GLIS3: variants seen among roughly 807,000 people sequenced by gnomAD.
GLIS3 encodes the protein zinc finger protein GLIS3.
A neutral mutation model predicts 78.6 loss-of-function variants in GLIS3; 53 were observed. The observed-to-expected ratio is 0.67, with a 90% CI of 0.54 to 0.85. The LOEUF is 0.85. Ranked by LOEUF, GLIS3 falls within the 40% of genes least tolerant of loss-of-function variation. GLIS3 has a pLI of 0.00. For synonymous variants in GLIS3, 684 were observed against 509.9 expected, an observed-to-expected ratio of 1.34 and a Z score of -4.60; for missense variants, 1,703 against 1,231.1, an observed-to-expected ratio of 1.38 and a Z score of -5.74.
chr9:4,253,761 T>A (rs906862111), intron 2 of GLIS3, among the ~76,000 whole-genome samples: 7 of 152,204 alleles, frequency 4.6e-5, no homozygotes, highest in Non-Finnish European at 8.8e-5. Flanking sequence ...AACATCCCGG[T>A]CTGCAGGTTG....
chr9:4,278,990 C>A (rs1827272502), intron 2 of GLIS3, among the ~76,000 whole-genome samples: 1 of 152,118 alleles, frequency 6.6e-6, no homozygotes, highest in Non-Finnish European at 1.5e-5. Context: ...AACAAGACAA[C>A]TCACCTAAAC....
chr9:4,071,208 G>A (rs1827575273), intron 4 of GLIS3: 1 of 152,130 alleles, frequency 6.6e-6, no homozygotes, highest in Non-Finnish European at 1.5e-5. Flanking sequence ...ACATTTCAGA[G>A]GTATGATGTA....
At chr9:4,127,625 C>A (rs768916779) in intron 2 of GLIS3, among the ~76,000 whole-genome samples, 1 of 151,992 alleles carries the variant, frequency 6.6e-6, no homozygotes, top group Non-Finnish European at 1.5e-5. Flanking sequence ...TTTTCATATT[C>A]CCTTTTTACC....
At chr9:4,057,059 G>A (rs564589673) in intron 4 of GLIS3, among the ~76,000 whole-genome samples, 1 of 151,726 alleles carries the variant, frequency 6.6e-6, no homozygotes, top group Non-Finnish European at 1.5e-5. Flanking sequence ...CCACAACTAG[G>A]CTCCTAAATT....
intron 2 of GLIS3, among the ~76,000 whole-genome samples, chr9:4,277,816 C>A (rs925518936): frequency 6.6e-6 from 1 of 152,172 alleles, no homozygotes; most frequent in African/African-American, 2.4e-5. Context: ...ATTTCCCAGA[C>A]GCTGTGAAAA....
intron 9 of GLIS3, among the ~76,000 whole-genome samples, chr9:3,840,064 T>C (rs1818619484): frequency 6.6e-6 from 1 of 152,230 alleles, no homozygotes; most frequent in Non-Finnish European, 1.5e-5. Flanking sequence ...AATGATTTTT[T>C]CTTGAGCGTC....
At chr9:3,870,490 A>T (rs1449062370) in intron 8 of GLIS3, among the ~76,000 whole-genome samples, 1 of 152,220 alleles carries the variant, frequency 6.6e-6, no homozygotes, top group East Asian at 1.9e-4. Context: ...CAAAAGAAAG[A>T]GGTTTAATTG....
intron 6 of GLIS3, among the ~76,000 whole-genome samples, chr9:3,929,933 G>T (rs937893741): frequency 1.5e-4 from 23 of 151,982 alleles, no homozygotes; most frequent in Admixed American, 7.2e-4. Flanking sequence ...CCTGATGTGA[G>T]TGAGCAATTA....
the GLIS3 span, among the ~76,000 whole-genome samples, chr9:4,482,925 G>GA: frequency 1.3e-5 from 2 of 151,888 alleles, no homozygotes; most frequent in African/African-American, 4.8e-5. Context: ...AGGACTTAGG[G>GA]AAAAAAAGAG....
chr9:4,273,470 G>C (rs553300243), intron 2 of GLIS3, among the ~76,000 whole-genome samples: 2 of 152,078 alleles, frequency 1.3e-5, no homozygotes, highest in Non-Finnish European at 2.9e-5. Context: ...GCTAATGCCT[G>C]TGGTCCCCAC....
At chr9:4,072,366 T>A (rs536556103) in intron 4 of GLIS3, among the ~76,000 whole-genome samples, 1 of 152,342 alleles carries the variant, frequency 6.6e-6, no homozygotes, top group Admixed American at 6.5e-5. Context: ...AGCCCTTAGT[T>A]GACAAGTCCA....
chr9:4,274,701 C>G (rs1184351220), intron 2 of GLIS3, among the ~76,000 whole-genome samples: 1 of 152,172 alleles, frequency 6.6e-6, no homozygotes, highest in Non-Finnish European at 1.5e-5. Context: ...ACACTAAACC[C>G]TAAGCACAGG....
chr9:3,965,463 G>A (rs988032019), intron 4 of GLIS3, among the ~76,000 whole-genome samples: 1 of 151,934 alleles, frequency 6.6e-6, no homozygotes, highest in Non-Finnish European at 1.5e-5. Context: ...CAAAGCGCTG[G>A]GATTACAGGC....
rs1398941780 is a variant in GLIS3 at position 4,286,124 on chromosome 9, G to A, written c.302C>T (p.Thr101Ile). Residue 101 changes from threonine to isoleucine, a missense_variant, in exon 2 of 11, where the codon ACC becomes ATC. Coordinates refer to ENST00000381971, the MANE Select transcript of GLIS3 (RefSeq NM_001042413.2). Reference protein sequence around the residue: ...LTNGKPRFQVTQAGGMSGSHT... With the variant: ...LTNGKPRFQVIQAGGMSGSHT... ...TGACCCTGACATGCCTCCAGCCTGG[G>A]TGACCTGGAATCGCGGCTTCCCATT... 5 of 1,613,526 alleles carry A rather than the reference G, an allele frequency of 3.1e-6. No homozygotes were observed. Among genetic ancestry groups the A allele is most frequent in the Non-Finnish European group, 3.4e-6 (4 of 1,179,550 alleles).
intron 7 of GLIS3, 146 bp from the exon 8 acceptor site, chr9:3,879,741 G>T: frequency 1.2e-6 from 1 of 819,310 alleles, no homozygotes; most frequent in Non-Finnish European, 1.9e-6. Context: ...CCCTTCTTGG[G>T]TACACACAGC....
At chr9:4,350,593 G>A (rs768269248), upstream of GLIS3, among the ~76,000 whole-genome samples, 3 of 151,846 alleles carry the variant, frequency 2.0e-5, no homozygotes, top group African/African-American at 7.3e-5. Flanking sequence ...TCTATTTTGG[G>A]GTGGGGATAA....
intron 4 of GLIS3, among the ~76,000 whole-genome samples, chr9:4,069,964 T>C (rs1267912619): frequency 6.6e-6 from 1 of 152,022 alleles, no homozygotes; most frequent in Non-Finnish European, 1.5e-5. Flanking sequence ...GACATGACTG[T>C]CAGAGGCCAG....
At position 4,161,599 on chromosome 9, in the gene GLIS3, C is replaced by T. The variant is rs113500232; in HGVS notation, c.389-35658G>A. On this transcript the variant is annotated intron_variant, in intron 2 of 10. Transcript: ENST00000381971. ...TGCTGTATTAGTTTTCTAGGGCTGC[C>T]GTAACAAAAGTACAACAAACTGAAT... Among the ~76,000 whole-genome samples, 302 of 151,454 alleles carry T rather than the reference C, an allele frequency of 2.0e-3. 1 individual carries two copies. Among genetic ancestry groups the T allele is most frequent in the African/African-American group, 6.9e-3 (283 of 41,226 alleles).
chr9:4,403,626 G>C, the GLIS3 span, among the ~76,000 whole-genome samples: 2 of 152,054 alleles, frequency 1.3e-5, no homozygotes, highest in South Asian at 4.1e-4. Flanking sequence ...TTATTTGTTT[G>C]GATATACAGT....
Sources: gnomAD v4.1 joint callset for allele counts (sites outside exome capture counted in the v4.1 genomes callset) on GRCh38, gnomAD v4.1.1 for gene constraint, MANE v1.5 for transcripts, NCBI Gene and HGNC (gene_info 2026-07-23, HGNC 2026-07-21) for gene names.